NXPH2: variants seen among roughly 807,000 people sequenced by gnomAD.
NXPH2 encodes the protein neurexophilin 2.
Under a neutral mutation model 19.8 loss-of-function variants are expected in NXPH2, and 5 were observed. The observed-to-expected ratio is 0.25, with a 90% CI of 0.13 to 0.53. NXPH2 has a LOEUF of 0.53. Ranked by LOEUF, NXPH2 falls within the 20% of genes least tolerant of loss-of-function variation. NXPH2 has a pLI of 0.96. For missense variants in NXPH2, 289 were observed against 322.8 expected (o/e 0.90, Z 0.80); for synonymous variants, 154 against 127.4 (o/e 1.21, Z -1.41).
intron 1 of NXPH2, among the ~76,000 whole-genome samples, chr2:138,692,016 G>C (rs947719263): frequency 6.6e-6 from 1 of 152,188 alleles, no homozygotes; most frequent in African/African-American, 2.4e-5. Flanking sequence ...ACTCTATGAA[G>C]TGAGGTGATA....
At chr2:138,683,094 CTG>C (rs1680601361) in intron 1 of NXPH2, among the ~76,000 whole-genome samples, 3 of 152,068 alleles carry the variant, frequency 2.0e-5, no homozygotes, top group African/African-American at 7.2e-5. Flanking sequence ...TATGATATGG[CTG>C]TGTGTCCTGA....
At chr2:138,756,536 C>A (rs1681912237) in intron 1 of NXPH2, among the ~76,000 whole-genome samples, 1 of 151,100 alleles carries the variant, frequency 6.6e-6, no homozygotes, top group South Asian at 2.1e-4. Flanking sequence ...TTTACTTAAT[C>A]TTTCAAAAGT....
chr2:138,681,742 G>A (rs1458310630), intron 1 of NXPH2, among the ~76,000 whole-genome samples: 2 of 152,122 alleles, frequency 1.3e-5, no homozygotes, highest in Admixed American at 1.3e-4. Flanking sequence ...TTTTTTTAAA[G>A]GCAGCTGGCT....
intron 1 of NXPH2, among the ~76,000 whole-genome samples, chr2:138,686,700 A>C (rs957506792): frequency 2.7e-5 from 4 of 149,048 alleles, no homozygotes; most frequent in African/African-American, 2.5e-5. Flanking sequence ...ATCCCTCCCC[A>C]CTCCTCCCAC....
intron 1 of NXPH2, among the ~76,000 whole-genome samples, chr2:138,678,313 G>A (rs1680517418): frequency 6.6e-6 from 1 of 152,190 alleles, no homozygotes; most frequent in Non-Finnish European, 1.5e-5. Context: ...AAGGGTAAAT[G>A]TTAAGCAACT....
At chr2:138,702,029 AG>A (rs1405018711) in intron 1 of NXPH2, among the ~76,000 whole-genome samples, 1 of 152,304 alleles carries the variant, frequency 6.6e-6, no homozygotes, top group African/African-American at 2.4e-5. Flanking sequence ...TGCAACACAG[AG>A]GCCACTTTAT....
chr2:138,735,522 C>G (rs1681526286), intron 1 of NXPH2, among the ~76,000 whole-genome samples: 1 of 152,138 alleles, frequency 6.6e-6, no homozygotes, highest in East Asian at 1.9e-4. Flanking sequence ...CCCCATGATT[C>G]AATTATCTCC....
intron 1 of NXPH2, 109 bp from the exon 2 acceptor site, chr2:138,671,774 G>A: frequency 8.7e-7 from 1 of 1,146,548 alleles, no homozygotes. Context: ...TTAGATTCTT[G>A]TTCGACAGCA....
chr2:138,695,163 A>C (rs566450486), intron 1 of NXPH2, among the ~76,000 whole-genome samples: 8 of 152,298 alleles, frequency 5.3e-5, no homozygotes, highest in South Asian at 2.1e-4. Flanking sequence ...TGGTGAGAAA[A>C]ATAAGTTGCA....
intron 1 of NXPH2, among the ~76,000 whole-genome samples, chr2:138,705,088 A>C (rs1475042386): frequency 1.3e-5 from 2 of 152,038 alleles, no homozygotes; most frequent in Non-Finnish European, 2.9e-5. Context: ...CGGCCTCCCA[A>C]AGTGTTGGGA....
At chr2:138,765,957 C>T (rs1682082695) in intron 1 of NXPH2, among the ~76,000 whole-genome samples, 1 of 152,190 alleles carries the variant, frequency 6.6e-6, no homozygotes, top group African/African-American at 2.4e-5. Flanking sequence ...AATTAGAAGG[C>T]TTTACTAAAA....
chr2:138,746,647 A>G (rs1352591373), intron 1 of NXPH2, among the ~76,000 whole-genome samples: 1 of 152,184 alleles, frequency 6.6e-6, no homozygotes, highest in East Asian at 1.9e-4. Context: ...AATTGAGCAC[A>G]TGGGAAGACA....
At chr2:138,764,918 G>C (rs1682068869) in intron 1 of NXPH2, among the ~76,000 whole-genome samples, 1 of 152,150 alleles carries the variant, frequency 6.6e-6, no homozygotes, top group Non-Finnish European at 1.5e-5. Context: ...CTATTGAGTG[G>C]ATGTATAAGA....
intron 1 of NXPH2, among the ~76,000 whole-genome samples, chr2:138,764,547 A>G (rs1442225135): frequency 1.3e-5 from 2 of 152,244 alleles, no homozygotes; most frequent in Non-Finnish European, 2.9e-5. Flanking sequence ...TAGGCACATT[A>G]GGACAGCAAT....
intron 1 of NXPH2, among the ~76,000 whole-genome samples, chr2:138,760,892 G>T (rs998268346): frequency 6.6e-6 from 1 of 152,108 alleles, no homozygotes; most frequent in African/African-American, 2.4e-5. Flanking sequence ...AATGCTGGTG[G>T]GAGAACAATC....
intron 1 of NXPH2, among the ~76,000 whole-genome samples, chr2:138,695,638 G>A (rs558491499): frequency 5.3e-5 from 8 of 152,044 alleles, no homozygotes; most frequent in Non-Finnish European, 1.2e-4. Flanking sequence ...CCTGACTAGT[G>A]AGGTTAAAAT....
At chr2:138,750,237 A>C (rs1236765349) in intron 1 of NXPH2, among the ~76,000 whole-genome samples, 1 of 152,124 alleles carries the variant, frequency 6.6e-6, no homozygotes, top group Non-Finnish European at 1.5e-5. Flanking sequence ...ACCATATACT[A>C]TGCTCAAAGA....
chr2:138,741,551 A>T (rs575097873), intron 1 of NXPH2, among the ~76,000 whole-genome samples: 19 of 152,266 alleles, frequency 1.2e-4, no homozygotes, highest in African/African-American at 4.6e-4. Context: ...ACAAGCTGAT[A>T]CCTCATTTAG....
intron 1 of NXPH2, among the ~76,000 whole-genome samples, chr2:138,688,829 C>T (rs1680702766): frequency 6.6e-6 from 1 of 152,106 alleles, no homozygotes; most frequent in Admixed American, 6.6e-5. Context: ...CACCACCGCC[C>T]CCCCAACCCC....
Sources: gnomAD v4.1 joint callset for allele counts (sites outside exome capture counted in the v4.1 genomes callset) on GRCh38, gnomAD v4.1.1 for gene constraint, MANE v1.5 for transcripts, NCBI Gene and HGNC (gene_info 2026-07-23, HGNC 2026-07-21) for gene names.